The following FHIT variants were observed in gnomAD, a reference collection of about 807,000 sequenced individuals.
The protein encoded by FHIT is fragile histidine triad diadenosine triphosphatase.
Under a neutral mutation model 17.9 loss-of-function variants are expected in FHIT, and 19 were observed. That is an observed-to-expected ratio of 1.06 (90% CI 0.74 to 1.56). The LOEUF is 1.56. Ranked by LOEUF, FHIT falls within the 40% of genes most tolerant of loss-of-function variation. FHIT has a pLI of 0.00. For synonymous variants in FHIT, 81 were observed against 69.7 expected (o/e 1.16, Z -0.81); for missense variants, 248 against 189.2 (o/e 1.31, Z -1.82).
At chr3:60,522,322 G>C (rs1369584505) in intron 5 of FHIT, among the ~76,000 whole-genome samples, 2 of 152,112 alleles carry the variant, frequency 1.3e-5, no homozygotes, top group African/African-American at 4.8e-5. Flanking sequence ...TGTTGGCCAG[G>C]CTGGTTTCGA....
At chr3:61,015,182 T>C (rs538856802) in intron 3 of FHIT, among the ~76,000 whole-genome samples, 2 of 152,192 alleles carry the variant, frequency 1.3e-5, no homozygotes, top group African/African-American at 4.8e-5. Context: ...TTCAATAAAA[T>C]GGCCTTGATG....
At chr3:61,100,907 G>T (rs749012422) in intron 2 of FHIT, among the ~76,000 whole-genome samples, 2 of 152,090 alleles carry the variant, frequency 1.3e-5, no homozygotes, top group African/African-American at 2.4e-5. Flanking sequence ...TGATGGGTTT[G>T]TTTGGCTTTT....
At chr3:60,408,976 C>T (rs1316864223) in intron 5 of FHIT, among the ~76,000 whole-genome samples, 1 of 152,186 alleles carries the variant, frequency 6.6e-6, no homozygotes, top group Admixed American at 6.5e-5. Flanking sequence ...TTTAGGGACT[C>T]GAGTCTGGAG....
intron 3 of FHIT, among the ~76,000 whole-genome samples, chr3:60,862,491 C>G (rs1045215224): frequency 3.9e-5 from 6 of 152,078 alleles, no homozygotes; most frequent in Non-Finnish European, 5.9e-5. Context: ...ATTTTTCAAA[C>G]AGCTTAAACA....
At chr3:60,972,187 T>C (rs1044881594) in intron 3 of FHIT, among the ~76,000 whole-genome samples, 4 of 152,224 alleles carry the variant, frequency 2.6e-5, no homozygotes, top group Non-Finnish European at 4.4e-5. Flanking sequence ...TTTGGTGTTC[T>C]TCATGCCCTC....
intron 5 of FHIT, among the ~76,000 whole-genome samples, chr3:60,149,559 G>C (rs117655969): frequency 6.6e-6 from 1 of 152,078 alleles, no homozygotes; most frequent in African/African-American, 2.4e-5. Flanking sequence ...AGATGCTTTA[G>C]AGGGTAGGTA....
intron 5 of FHIT, among the ~76,000 whole-genome samples, chr3:60,211,206 A>G (rs956836150): frequency 2.6e-5 from 4 of 151,982 alleles, no homozygotes; most frequent in Non-Finnish European, 4.4e-5. Flanking sequence ...TAGAGTATAT[A>G]TAACTTTTCA....
At position 60,872,157 on chromosome 3, in the gene FHIT, C is replaced by T. The variant is rs79459529; in HGVS notation, c.-110-50146G>A. On this transcript the variant is annotated intron_variant, in intron 3 of 9. Transcript: ENST00000492590. Reference sequence around the variant, plus strand: ...CACTCCTGAATGGGACTTTAGTTTGCCATAAGCCTGCTTTGTTTTGTTTGT... The same window carrying T: ...CACTCCTGAATGGGACTTTAGTTTGTCATAAGCCTGCTTTGTTTTGTTTGT... Among the ~76,000 whole-genome samples, 132 of 152,120 alleles carry T rather than the reference C, an allele frequency of 8.7e-4. No individual in the cohort carries two copies. The East Asian group carries it at 0.021, about 24-fold the overall frequency.
chr3:60,032,744 C>A (rs532348292), intron 5 of FHIT, among the ~76,000 whole-genome samples: 1 of 152,064 alleles, frequency 6.6e-6, no homozygotes, highest in Non-Finnish European at 1.5e-5. Flanking sequence ...TCCATAGACC[C>A]GCAGCTGTCT....
At chr3:59,768,151 G>T (rs1035908440) in intron 8 of FHIT, among the ~76,000 whole-genome samples, 6 of 152,174 alleles carry the variant, frequency 3.9e-5, no homozygotes, top group African/African-American at 1.4e-4. Context: ...CTCTGAATTG[G>T]AACATCACAA....
chr3:61,140,476 T>G lies in FHIT; in HGVS notation c.-164+60141A>C, dbSNP rs1443691564. On this transcript the variant is annotated intron_variant, in intron 2 of 9. Transcript: ENST00000492590. ...AAAAGAGGAAATATAAAGAACGGCT[T>G]TGCTTTGATCATAATCAAAGGGCGT... Among the ~76,000 whole-genome samples the G allele has an allele frequency of 3.3e-5, 5 of 152,148 alleles. No homozygotes were observed. In the South Asian group the frequency reaches 8.3e-4, roughly 25 times the overall value.
chr3:59,966,706 C>A (rs1205657270), intron 7 of FHIT, among the ~76,000 whole-genome samples: 1 of 152,100 alleles, frequency 6.6e-6, no homozygotes, highest in Non-Finnish European at 1.5e-5. Context: ...CTATATAGGG[C>A]ACTTACCATG....
intron 4 of FHIT, among the ~76,000 whole-genome samples, chr3:60,692,357 G>T (rs530429094): frequency 1.3e-5 from 2 of 152,246 alleles, no homozygotes; most frequent in African/African-American, 4.8e-5. Flanking sequence ...CATGGCAAAG[G>T]AAAATTAAGG....
rs745904650 is a variant in FHIT at position 59,748,865 on chromosome 3, T to C, written c.*720A>G. Among the ~76,000 whole-genome samples, 1 of 152,188 alleles carries C rather than the reference T, an allele frequency of 6.6e-6. No homozygotes were observed. The highest frequency in any genetic ancestry group is 1.5e-5 in the Non-Finnish European group (1 of 68,022). Reference sequence around the variant, plus strand: ...GGATAATAACAGGGTCTACATCTTATAAATTCTTAGCAAGTGTGTTGGCTA... The same window carrying C: ...GGATAATAACAGGGTCTACATCTTACAAATTCTTAGCAAGTGTGTTGGCTA... On this transcript the variant is annotated 3_prime_UTR_variant, in exon 10 of 10. Coordinates refer to ENST00000492590, the MANE Select transcript of FHIT (RefSeq NM_002012.4).
intron 3 of FHIT, among the ~76,000 whole-genome samples, chr3:60,960,336 G>C (rs1031392063): frequency 3.9e-5 from 6 of 152,162 alleles, no homozygotes; most frequent in Admixed American, 1.3e-4. Flanking sequence ...CTTCACTGTT[G>C]CTCTTGGTTG....
chr3:60,020,129 G>A (rs959561721), intron 5 of FHIT, among the ~76,000 whole-genome samples: 1 of 152,140 alleles, frequency 6.6e-6, no homozygotes, highest in African/African-American at 2.4e-5. Flanking sequence ...GAACAAAGGG[G>A]GATGCTGCAA....
At chr3:60,732,379 T>G in intron 4 of FHIT, 1 of 805,178 alleles carries the variant, frequency 1.2e-6, no homozygotes, top group Non-Finnish European at 2.2e-6. Flanking sequence ...AGGATGAAGT[T>G]CTCCTCATCA....
chr3:61,119,782 C>A (rs2036402932), intron 2 of FHIT, among the ~76,000 whole-genome samples: 1 of 152,152 alleles, frequency 6.6e-6, no homozygotes, highest in South Asian at 2.1e-4. Context: ...AGCCTTCTCC[C>A]GCCCTTGGGC....
At chr3:60,428,330 G>C (rs562899320) in intron 5 of FHIT, among the ~76,000 whole-genome samples, 1 of 152,048 alleles carries the variant, frequency 6.6e-6, no homozygotes, top group Non-Finnish European at 1.5e-5. Flanking sequence ...ATAACTGTTC[G>C]AATTATTACC....
Sources: allele counts gnomAD v4.1 joint callset (sites outside exome capture counted in the v4.1 genomes callset), GRCh38; gene constraint gnomAD v4.1.1; transcripts MANE v1.5; gene names NCBI Gene and HGNC (gene_info 2026-07-23, HGNC 2026-07-21).